The following TARS3 variants were observed in gnomAD, a reference collection of about 807,000 sequenced individuals.
TARS3 encodes the protein threonine--tRNA ligase 2, cytoplasmic.
TARS3 carries 94 observed loss-of-function variants against 103.5 expected under a neutral mutation model. That is an observed-to-expected ratio of 0.91 (90% confidence interval 0.77 to 1.08). The LOEUF (loss-of-function observed/expected upper bound fraction) is 1.08, where lower values mean the gene tolerates loss of function less well. TARS3 is among the 50% of genes least tolerant of loss of function. TARS3 has a pLI of 0.00. For synonymous variants in TARS3, 416 were observed against 355.4 expected, an observed-to-expected ratio of 1.17 and a Z score of -1.92; for missense variants, 952 against 995.2, an observed-to-expected ratio of 0.96 and a Z score of 0.58.
intron 12 of TARS3, among the ~76,000 whole-genome samples, chr15:101,678,865 T>C (rs1206047169): frequency 6.6e-6 from 1 of 152,222 alleles, no homozygotes; most frequent in Non-Finnish European, 1.5e-5. Context: ...AATGTCTTGA[T>C]TTCCCCTCAA....
chr15:101,702,911 TATGGATTCTAGGA>T (rs1899354329), intron 8 of TARS3, among the ~76,000 whole-genome samples: 1 of 152,218 alleles, frequency 6.6e-6, no homozygotes, highest in Non-Finnish European at 1.5e-5. Context: ...TAGAGTCTGC[TATGGATTCTAGGA>T]ATGACAGTGA....
intron 10 of TARS3, among the ~76,000 whole-genome samples, chr15:101,690,512 T>C (rs1898668460): frequency 1.3e-5 from 2 of 152,152 alleles, no homozygotes; most frequent in African/African-American, 4.8e-5. Context: ...AAAACACACA[T>C]ACAGGATTTT....
intron 10 of TARS3, among the ~76,000 whole-genome samples, chr15:101,686,807 A>C (rs529458052): frequency 1.3e-5 from 2 of 152,166 alleles, no homozygotes; most frequent in African/African-American, 4.8e-5. Flanking sequence ...GGATGAACAC[A>C]AAAAGCTGAA....
chr15:101,655,810 G>A (rs372641073), intron 18 of TARS3: 2 of 1,216,084 alleles, frequency 1.6e-6, no homozygotes, highest in East Asian at 5.7e-5. Flanking sequence ...CCTGGCACTA[G>A]GGTGCAGATG....
At chr15:101,695,464 T>TG (rs1898927712) in intron 10 of TARS3, among the ~76,000 whole-genome samples, 1 of 152,260 alleles carries the variant, frequency 6.6e-6, no homozygotes, top group Non-Finnish European at 1.5e-5. Flanking sequence ...TTCCACAGCA[T>TG]GGACTTTCCA....
intron 12 of TARS3, 62 bp from the exon 13 acceptor site, chr15:101,675,799 T>C: frequency 6.6e-7 from 1 of 1,522,376 alleles, no homozygotes. Context: ...TTTTAAAAAA[T>C]ACAATTCTTC....
chr15:101,658,226 A>C (rs1217429103), intron 16 of TARS3, among the ~76,000 whole-genome samples: 1 of 151,546 alleles, frequency 6.6e-6, no homozygotes. Context: ...AGCCCCAAAC[A>C]GGAAACACAC....
intron 6 of TARS3, among the ~76,000 whole-genome samples, chr15:101,706,498 T>C (rs1204742887): frequency 1.3e-5 from 2 of 152,164 alleles, no homozygotes; most frequent in African/African-American, 2.4e-5. Context: ...CATAAAATTA[T>C]AGGTTACACA....
intron 10 of TARS3, among the ~76,000 whole-genome samples, chr15:101,687,605 T>C (rs1366502896): frequency 6.6e-6 from 1 of 152,050 alleles, no homozygotes; most frequent in Non-Finnish European, 1.5e-5. Context: ...TACTGCTCAA[T>C]GCATTTTTAA....
At chr15:101,702,190 C>T (rs1899314877) in intron 9 of TARS3, 49 bp downstream of exon 9, 1 of 1,597,048 alleles carries the variant, frequency 6.3e-7, no homozygotes, top group African/African-American at 1.3e-5. Context: ...AGAAACATTC[C>T]TATGTTGGCT....
intron 12 of TARS3, among the ~76,000 whole-genome samples, chr15:101,683,602 A>G (rs1898344004): frequency 6.6e-6 from 1 of 152,182 alleles, no homozygotes; most frequent in African/African-American, 2.4e-5. Context: ...ACATTGGCAT[A>G]TTACCCACCC....
chr15:101,657,846 A>G lies in TARS3; in HGVS notation c.2084T>C (p.Leu695Pro). The G allele has an allele frequency of 6.2e-7, 1 of 1,603,808 alleles. No homozygotes were observed. Among genetic ancestry groups the G allele is most frequent in the African/African-American group, 1.3e-5 (1 of 74,726 alleles). ...ENYGGKWPFW[L>P]SPRQVMVIPV... ...GATGACCATCACCTGACGAGGAGATAGCCAGAAAGGCCTGAAAAATATATA... is the reference window on the plus strand; with the variant it reads ...GATGACCATCACCTGACGAGGAGATGGCCAGAAAGGCCTGAAAAATATATA... Residue 695 changes from leucine to proline, a missense_variant, in exon 17 of 19, where the codon CTA becomes CCA. Around this residue, in one of 2 missense-constraint regions of TARS3, gnomAD observed 540 missense variants for 631.0 expected, o/e 0.86. Transcript: ENST00000335968.
At chr15:101,665,142 C>T (rs1234000125) in intron 15 of TARS3, among the ~76,000 whole-genome samples, 3 of 152,208 alleles carry the variant, frequency 2.0e-5, no homozygotes. Context: ...AGGTCACCTG[C>T]GTCCCAGAAG....
intron 13 of TARS3, among the ~76,000 whole-genome samples, chr15:101,672,345 G>A (rs536025182): frequency 9.4e-4 from 143 of 152,260 alleles, no homozygotes; most frequent in African/African-American, 3.2e-3. Context: ...CACATTGAAG[G>A]TGAGGATGCA....
At position 101,724,091 on chromosome 15, in the gene TARS3, C is replaced by A. The variant is rs1387097011; in HGVS notation, c.297G>T (p.Gln99His). The A allele has an allele frequency of 4.4e-6, 6 of 1,365,722 alleles. No individual in the cohort carries two copies. Among genetic ancestry groups the A allele is most frequent in the Non-Finnish European group, 3.8e-6 (4 of 1,061,438 alleles). The allele number at this position is 1,365,722 out of a possible 1,614,324, so 84.6% of individuals were successfully genotyped here. The change falls in exon 1 of 19, where the codon CAG becomes CAT. Residue 99 changes from glutamine (Q) to histidine (H), a missense_variant and splice_region_variant. Physicochemically the swap from Gln to His is conservative, Grantham distance 24. Coordinates refer to ENST00000335968, the MANE Select transcript of TARS3 (RefSeq NM_152334.3). ...ELEAAQEAGA[Q>H]PPPSQSQDKD... ...TCCAGTGTCCCCACCGCCCGGTTAC[C>A]TGTGCGCCGGCCTCCTGCGCCGCCT...
intron 10 of TARS3, among the ~76,000 whole-genome samples, chr15:101,693,458 C>T (rs757654808): frequency 3.9e-5 from 6 of 152,122 alleles, no homozygotes; most frequent in South Asian, 2.1e-4. Flanking sequence ...TGGCCCCACC[C>T]CTGACCCTTG....
chr15:101,712,097 A>G, intron 4 of TARS3, 96 bp from the exon 5 acceptor site: 1 of 1,368,094 alleles, frequency 7.3e-7, no homozygotes, highest in African/African-American at 1.5e-5. Context: ...TTTTAAGGAG[A>G]TACATGGCAA....
Position 101,701,788 on chromosome 15 carries a change from T to G in TARS3, c.1221+451A>C, listed in dbSNP as rs908395481. ...CAGAATGTAAAAAACAACTCTTTTTTTTTTTGAGACTGAGTCTCACTCTGT... is the reference window on the plus strand; with the variant it reads ...CAGAATGTAAAAAACAACTCTTTTTGTTTTTGAGACTGAGTCTCACTCTGT... On this transcript the variant is annotated intron_variant, in intron 9 of 18. Transcript: ENST00000335968. Among the ~76,000 whole-genome samples, 8 of 151,992 alleles carry G rather than the reference T, an allele frequency of 5.3e-5. No homozygotes were observed. In the South Asian group the frequency reaches 1.7e-3, roughly 31 times the overall value.
intron 10 of TARS3, among the ~76,000 whole-genome samples, chr15:101,694,331 G>A (rs1330011136): frequency 1.3e-5 from 2 of 152,226 alleles, no homozygotes; most frequent in East Asian, 3.8e-4. Flanking sequence ...CCAGTTCTGA[G>A]GAAAAGGATG....
Sources: gnomAD v4.1 joint callset for allele counts (sites outside exome capture counted in the v4.1 genomes callset) on GRCh38, gnomAD v4.1.1 for gene constraint, gnomAD v4.1.1 regional missense constraint, MANE v1.5 for transcripts, NCBI Gene and HGNC (gene_info 2026-07-23, HGNC 2026-07-21) for gene names.